The following SF3A1 variants were observed in gnomAD, a reference collection of about 807,000 sequenced individuals.
SF3A1 encodes the protein splicing factor 3a subunit 1.
SF3A1 carries 13 observed loss-of-function variants against 89.9 expected under a neutral mutation model. The observed-to-expected ratio is 0.14, with a 90% CI of 0.09 to 0.23. SF3A1 has a LOEUF of 0.23. SF3A1 is among the 10% of genes least tolerant of loss of function. SF3A1 has a pLI of 1.00. For synonymous variants in SF3A1, 405 were observed against 374.4 expected, an observed-to-expected ratio of 1.08 and a Z score of -0.94; for missense variants, 604 against 1,022.1, an observed-to-expected ratio of 0.59 and a Z score of 5.58.
chr22:30,342,195 C>T lies in SF3A1; in HGVS notation c.877+5G>A. On this transcript the variant is annotated splice_donor_5th_base_variant and intron_variant, in intron 6 of 15. Coordinates refer to ENST00000215793, the MANE Select transcript of SF3A1 (RefSeq NM_005877.6). Reference sequence around the variant, plus strand: ...CCCATCTGGAGTCACTCCTCACAGACCTACCTTGCTCATTGGGTTGGAAGT... The same window carrying T: ...CCCATCTGGAGTCACTCCTCACAGATCTACCTTGCTCATTGGGTTGGAAGT... The T allele has an allele frequency of 1.2e-6, 2 of 1,614,180 alleles. No individual in the cohort carries two copies. Among genetic ancestry groups the T allele is most frequent in the South Asian group, 1.1e-5 (1 of 91,084 alleles).
rs1285659087 is a variant in SF3A1 at position 30,338,734 on chromosome 22, C to T, written c.1743+55G>A. The T allele has an allele frequency of 6.8e-6, 11 of 1,609,680 alleles. No homozygotes were observed. The East Asian group carries it at 8.9e-5, about 13-fold the overall frequency. ...GCTGCACTTCTCAGCCAACAGTGTC[C>T]GACCTCAAGAATGAAGCTCTAAAAA... On this transcript the variant is annotated intron_variant, in intron 11 of 15. Transcript: ENST00000215793.
intron 5 of SF3A1, 100 bp from the exon 6 acceptor site, chr22:30,342,450 G>A (rs768860146): frequency 2.2e-4 from 283 of 1,280,636 alleles, no homozygotes; most frequent in Admixed American, 1.5e-3. Context: ...CGCCTCCTTC[G>A]GAACAGAATG....
chr22:30,340,677 G>T lies in SF3A1; in HGVS notation c.1189+18C>A, dbSNP rs745854823. On this transcript the variant is annotated intron_variant, in intron 8 of 15. Transcript: ENST00000215793. ...ACTTCCTGGGCAGCCCGAGGGTTGGGAAGCAGGCCCTCCCTACCTTTGGGA... is the reference window on the plus strand; with the variant it reads ...ACTTCCTGGGCAGCCCGAGGGTTGGTAAGCAGGCCCTCCCTACCTTTGGGA... The T allele has an allele frequency of 2.7e-6, 4 of 1,500,308 alleles. No individual in the cohort carries two copies. Among genetic ancestry groups the T allele is most frequent in the Non-Finnish European group, 3.7e-6 (4 of 1,077,458 alleles). 92.9% of individuals were successfully genotyped at this position (1,500,308 alleles called of 1,614,324 possible). A position where few individuals can be genotyped will look rare whatever the true frequency, so the allele number is the denominator to read the frequency against.
At chr22:30,355,815 T>TCCCCCCCCCCCCCCCC (rs11451197) in intron 1 of SF3A1, among the ~76,000 whole-genome samples, 4 of 92,276 alleles carry the variant, frequency 4.3e-5, no homozygotes, top group Admixed American at 1.1e-4. Flanking sequence ...TCAGTCATGT[T>TCCCCCCCCCCCCCCCC]CCCCCCCCCC....
At chr22:30,356,589 C>T (rs1026434339) in intron 1 of SF3A1, 141 bp downstream of exon 1, 86 of 626,436 alleles carry the variant, frequency 1.4e-4, no homozygotes, top group Non-Finnish European at 2.0e-4. Context: ...CAGAACACCA[C>T]CATAGCGCGG....
intron 2 of SF3A1, 59 bp downstream of exon 2, chr22:30,352,892 A>G: frequency 6.3e-7 from 1 of 1,592,252 alleles, no homozygotes. Context: ...GTGCTGATTC[A>G]GTGCTGAAGT....
intron 7 of SF3A1, 91 bp from the exon 8 acceptor site, chr22:30,340,903 T>A: frequency 1.3e-6 from 1 of 785,410 alleles, no homozygotes; most frequent in Non-Finnish European, 2.1e-6. Flanking sequence ...GCAAGGAGCC[T>A]TGGCCTCTGC....
chr22:30,347,223 G>A (rs1286334473), intron 2 of SF3A1, among the ~76,000 whole-genome samples: 1 of 152,200 alleles, frequency 6.6e-6, no homozygotes, highest in Non-Finnish European at 1.5e-5. Context: ...CTTGTGCCCA[G>A]GAGTCTGAGG....
At chr22:30,352,848 G>C (rs1931643276) in intron 2 of SF3A1, 103 bp downstream of exon 2, 2 of 1,430,318 alleles carry the variant, frequency 1.4e-6, no homozygotes, top group African/African-American at 2.9e-5. Flanking sequence ...TGAACTAAAA[G>C]GCCCAAGCCA....
rs754162695 is a variant in SF3A1 at position 30,342,313 on chromosome 22, C to T, written c.764G>A (p.Arg255His). 3.1e-6 allele frequency: 5 copies of T among 1,613,632 alleles called. No homozygotes were observed. Among genetic ancestry groups the T allele is most frequent in the Non-Finnish European group, 4.2e-6 (5 of 1,179,768 alleles). The change falls in exon 6 of 16, where the codon CGT becomes CAT. Residue 255 changes from arginine (R) to histidine (H), a missense_variant. By Grantham distance (29) the Arg-to-His change is conservative. Around this residue, in one of 9 missense-constraint regions of SF3A1, gnomAD observed 162 missense variants for 229.2 expected, o/e 0.71. Coordinates refer to ENST00000215793, the MANE Select transcript of SF3A1 (RefSeq NM_005877.6). ...CTCCTCTTCTTCCTTCTTCCTCTCA[C>T]GTTCCTGGAATTTGGCCCATTCCAC... ...YRVEWAKFQERERKKEEEEKE... is the reference protein window; with the variant it reads ...YRVEWAKFQEHERKKEEEEKE...
chr22:30,351,640 A>T (rs1931598487), intron 2 of SF3A1, among the ~76,000 whole-genome samples: 1 of 152,160 alleles, frequency 6.6e-6, no homozygotes, highest in Admixed American at 6.5e-5. Flanking sequence ...AGCTGGGATC[A>T]CAGGCCCATG....
At chr22:30,341,500 G>A (rs902465391) in intron 7 of SF3A1, among the ~76,000 whole-genome samples, 192 bp downstream of exon 7, 3 of 152,190 alleles carry the variant, frequency 2.0e-5, no homozygotes, top group Non-Finnish European at 4.4e-5. Context: ...CCTTGCCTAT[G>A]AATGAATCTT....
At chr22:30,336,113 T>C (rs1569169482) in intron 13 of SF3A1, among the ~76,000 whole-genome samples, 1 of 152,214 alleles carries the variant, frequency 6.6e-6, no homozygotes, top group Non-Finnish European at 1.5e-5. Flanking sequence ...AGCCTCAATG[T>C]CATTATCCAC....
At chr22:30,336,114 CATT>C (rs1219848387) in intron 13 of SF3A1, among the ~76,000 whole-genome samples, 2 of 152,200 alleles carry the variant, frequency 1.3e-5, no homozygotes, top group Non-Finnish European at 2.9e-5. Flanking sequence ...GCCTCAATGT[CATT>C]ATCCACCAGA....
intron 13 of SF3A1, 136 bp from the exon 14 acceptor site, chr22:30,335,889 AT>A: frequency 1.4e-6 from 1 of 724,148 alleles, no homozygotes; most frequent in Admixed American, 2.1e-5. Context: ...TTCACCACTG[AT>A]AACCCCTTGT....
chr22:30,343,235 A>C (rs1451804493), intron 4 of SF3A1, among the ~76,000 whole-genome samples: 1 of 152,120 alleles, frequency 6.6e-6, no homozygotes, highest in Non-Finnish European at 1.5e-5. Flanking sequence ...AACACTACGC[A>C]GGTCCCCCCT....
At chr22:30,352,207 T>C (rs1194254605) in intron 2 of SF3A1, among the ~76,000 whole-genome samples, 4 of 151,586 alleles carry the variant, frequency 2.6e-5, no homozygotes, top group Non-Finnish European at 4.4e-5. Flanking sequence ...CACAGGACTG[T>C]GGGGAGAGAC....
chr22:30,351,059 G>C (rs1290574934), intron 2 of SF3A1, among the ~76,000 whole-genome samples: 1 of 152,246 alleles, frequency 6.6e-6, no homozygotes, highest in African/African-American at 2.4e-5. Flanking sequence ...CCAGCACTTT[G>C]GGAGGCCCAG....
chr22:30,350,984 C>G (rs1380105176), intron 2 of SF3A1, among the ~76,000 whole-genome samples: 1 of 152,238 alleles, frequency 6.6e-6, no homozygotes, highest in East Asian at 1.9e-4. Flanking sequence ...TGAGATGAAT[C>G]TGCAGAGCTG....
Sources: allele counts gnomAD v4.1 joint callset (sites outside exome capture counted in the v4.1 genomes callset), GRCh38; gene constraint gnomAD v4.1.1; regional missense constraint gnomAD v4.1.1; transcripts MANE v1.5; gene names NCBI Gene and HGNC (gene_info 2026-07-23, HGNC 2026-07-21).